ABI3BP: variants seen among roughly 807,000 people sequenced by gnomAD.
The protein encoded by ABI3BP is ABI family member 3 binding protein, also known as target of Nesh-SH3.
ABI3BP carries 216 observed loss-of-function variants against 268.6 expected under a neutral mutation model. The ratio of observed to expected loss-of-function variants is 0.80; its 90% CI spans 0.72 to 0.90. The LOEUF is 0.90. ABI3BP is among the 40% of genes least tolerant of loss of function. ABI3BP has a pLI of 0.00. For missense variants in ABI3BP, 2,090 were observed against 2,182.4 expected, an observed-to-expected ratio of 0.96 and a Z score of 0.84; for synonymous variants, 730 against 730.0, an observed-to-expected ratio of 1.00 and a Z score of 0.00.
chr3:100,840,137 C>T lies in ABI3BP; in HGVS notation c.1832G>A (p.Arg611His), dbSNP rs1159728203. Residue 611 changes from arginine to histidine, a missense_variant, in exon 23 of 68, where the codon CGT becomes CAT. Arg to His is a conservative substitution (Grantham distance 29, BLOSUM62 0). Coordinates refer to ENST00000471714, the MANE Select transcript of ABI3BP (RefSeq NM_001375547.2). The part of the protein sequence containing the change: ...LAPRKTKRPG[R>H]RPRPRPRPKT... ...AGGGCGGGGACGGGGGCGGGGGCGA[C>T]GACCTGGTCTTTTGGTCTTTCGTGG... 1.1e-5 allele frequency: 17 copies of T among 1,531,848 alleles called. No individual in the cohort carries two copies. In the Middle Eastern group the frequency reaches 5.0e-4, roughly 45 times the overall value. 94.9% of individuals were successfully genotyped at this position (1,531,848 alleles called of 1,614,324 possible). A position where few individuals can be genotyped will look rare whatever the true frequency, so the allele number is the denominator to read the frequency against.
chr3:100,770,554 G>A (rs2096513652), intron 62 of ABI3BP, among the ~76,000 whole-genome samples, 189 bp downstream of exon 62: 1 of 152,130 alleles, frequency 6.6e-6, no homozygotes. Flanking sequence ...ACCATAACAA[G>A]GACAAAGATG....
At chr3:100,972,263 G>A (rs1022552938) in intron 1 of ABI3BP, among the ~76,000 whole-genome samples, 1 of 152,124 alleles carries the variant, frequency 6.6e-6, no homozygotes, top group African/African-American at 2.4e-5. Context: ...AAATTTTTAT[G>A]TGAAAAACCC....
intron 31 of ABI3BP, among the ~76,000 whole-genome samples, chr3:100,832,041 G>A (rs980512649): frequency 7.9e-5 from 12 of 152,120 alleles, no homozygotes; most frequent in African/African-American, 1.2e-4. Flanking sequence ...CTTTAAGACA[G>A]GAATGAAATA....
chr3:100,811,037 T>C (rs532533258), intron 48 of ABI3BP, among the ~76,000 whole-genome samples, 193 bp downstream of exon 48: 1 of 152,252 alleles, frequency 6.6e-6, no homozygotes, highest in South Asian at 2.1e-4. Context: ...CAAAGTCTTG[T>C]TACACAACTG....
chr3:100,843,257 C>T (rs2098727530), intron 20 of ABI3BP, among the ~76,000 whole-genome samples: 1 of 152,086 alleles, frequency 6.6e-6, no homozygotes, highest in Non-Finnish European at 1.5e-5. Flanking sequence ...AAATTAGGTG[C>T]AAAAGAAGCA....
Position 100,905,135 on chromosome 3 carries a change from A to G in ABI3BP, c.260-2449T>C, listed in dbSNP as rs2052692871. Among the ~76,000 whole-genome samples the G allele has an allele frequency of 2.6e-5, 4 of 152,156 alleles. No individual in the cohort carries two copies. In the South Asian group the frequency reaches 8.3e-4, roughly 32 times the overall value. ...AGGGACATGGATGAAGCTGGAAACC[A>G]TCATTCTCAGCAAACTATCGCAAGG... On this transcript the variant is annotated intron_variant, in intron 2 of 67. Transcript: ENST00000471714.
intron 35 of ABI3BP, among the ~76,000 whole-genome samples, chr3:100,825,383 T>G (rs55810209): frequency 6.8e-6 from 1 of 147,568 alleles, no homozygotes; most frequent in Non-Finnish European, 1.5e-5. Context: ...GGCATTTTTT[T>G]TTTTTTAAAT....
chr3:100,848,773 T>C (rs1560779516), intron 18 of ABI3BP, 28 bp downstream of exon 18: 1 of 1,592,656 alleles, frequency 6.3e-7, no homozygotes, highest in Admixed American at 1.7e-5. Flanking sequence ...TGGAATTACA[T>C]ATCATGTAAA....
chr3:100,761,060 G>T (rs893237542), intron 63 of ABI3BP, among the ~76,000 whole-genome samples: 5 of 152,024 alleles, frequency 3.3e-5, no homozygotes, highest in African/African-American at 9.7e-5. Flanking sequence ...CCCAGTGTCT[G>T]CTGTTCCCCT....
intron 44 of ABI3BP, 115 bp downstream of exon 44, chr3:100,815,797 G>T: frequency 1.5e-6 from 1 of 672,650 alleles, no homozygotes; most frequent in Non-Finnish European, 2.4e-6. Flanking sequence ...AAAATGAAGT[G>T]TAGAATGGAA....
At chr3:100,894,952 A>AAAAAACAAAAACAAAAAC (rs2046751386) in intron 4 of ABI3BP, among the ~76,000 whole-genome samples, 3 of 111,624 alleles carry the variant, frequency 2.7e-5, no homozygotes, top group Non-Finnish European at 6.8e-5. Context: ...AAAAAAAAAA[A>AAAAAACAAAAACAAAAAC]AAAAAAAAAA....
intron 1 of ABI3BP, among the ~76,000 whole-genome samples, chr3:100,984,727 T>A (rs912841326): frequency 2.6e-5 from 4 of 152,214 alleles, no homozygotes; most frequent in Admixed American, 6.5e-5. Context: ...GTAGAATAAG[T>A]ACTGATTTAG....
intron 51 of ABI3BP, among the ~76,000 whole-genome samples, chr3:100,799,701 C>G (rs1056673841): frequency 4.6e-5 from 7 of 152,118 alleles, no homozygotes; most frequent in African/African-American, 1.7e-4. Context: ...TCTGGAAGCT[C>G]TTTTTCCTGT....
chr3:100,887,719 G>A (rs959996937), intron 4 of ABI3BP, among the ~76,000 whole-genome samples: 2 of 151,926 alleles, frequency 1.3e-5, no homozygotes, highest in African/African-American at 4.8e-5. Flanking sequence ...TAAGATTAAG[G>A]TTACTTGCTT....
intron 55 of ABI3BP, among the ~76,000 whole-genome samples, chr3:100,790,168 C>A (rs1238145872): frequency 6.6e-6 from 1 of 151,944 alleles, no homozygotes; most frequent in African/African-American, 2.4e-5. Flanking sequence ...AGGACCTGCA[C>A]AGAAAGGCAT....
At chr3:100,847,284 AAAAAAT>A (rs1386256250) in intron 19 of ABI3BP, among the ~76,000 whole-genome samples, 3 of 152,184 alleles carry the variant, frequency 2.0e-5, no homozygotes, top group African/African-American at 7.2e-5. Flanking sequence ...GAGTCTTACT[AAAAAAT>A]AAAAAAAAGA....
intron 4 of ABI3BP, 115 bp from the exon 5 acceptor site, chr3:100,886,438 C>T (rs1449390603): frequency 8.7e-6 from 6 of 690,460 alleles, no homozygotes; most frequent in Non-Finnish European, 1.3e-5. Context: ...TTAATATTGG[C>T]TTCTCTTCCG....
intron 1 of ABI3BP, among the ~76,000 whole-genome samples, chr3:100,988,867 C>A (rs1366631369): frequency 1.3e-5 from 2 of 152,164 alleles, no homozygotes; most frequent in African/African-American, 2.4e-5. Flanking sequence ...AAGGTATAGT[C>A]ATTTGCCACT....
chr3:100,984,369 A>C (rs150352915), intron 1 of ABI3BP, among the ~76,000 whole-genome samples: 1 of 152,324 alleles, frequency 6.6e-6, no homozygotes, highest in East Asian at 1.9e-4. Context: ...GATGTGACTT[A>C]GGCCTCAATT....
Sources: gnomAD v4.1 joint callset for allele counts (sites outside exome capture counted in the v4.1 genomes callset) on GRCh38, gnomAD v4.1.1 for gene constraint, MANE v1.5 for transcripts, NCBI Gene and HGNC (gene_info 2026-07-23, HGNC 2026-07-21) for gene names.